Variants in DLGAP2 observed in about 807,000 individuals in gnomAD.
DLGAP2 encodes the protein disks large-associated protein 2.
DLGAP2 carries 26 observed loss-of-function variants against 100.3 expected under a neutral mutation model. That is an observed-to-expected ratio of 0.26 (90% CI 0.19 to 0.36). DLGAP2 has a LOEUF of 0.36. Among genes scored for constraint, DLGAP2 ranks in the 10% least tolerant of loss-of-function variants. DLGAP2 has a pLI of 1.00. For missense variants in DLGAP2, 1,858 were observed against 1,453.2 expected (o/e 1.28, Z -4.53); for synonymous variants, 886 against 630.1 (o/e 1.41, Z -6.08).
chr8:1,124,126 A>G (rs944956311), intron 2 of DLGAP2, among the ~76,000 whole-genome samples: 2 of 152,190 alleles, frequency 1.3e-5, no homozygotes, highest in African/African-American at 2.4e-5. Context: ...AACGCCAATA[A>G]AAATGTCAGG....
rs370457153 is a variant in DLGAP2, at chr8:1,591,326, G to A, written c.1442+25432G>A. ...CTCTTCCTAACGCTGGCTCCATGTG[G>A]GCCAGGTGGGAAGGAGGATGGAGGA... On this transcript the variant is annotated intron_variant, in intron 6 of 14. Coordinates refer to ENST00000637795, the MANE Select transcript of DLGAP2 (RefSeq NM_001346810.2). Among the ~76,000 whole-genome samples, 81 of 152,262 alleles carry A rather than the reference G, an allele frequency of 5.3e-4. 1 individual carries two copies. Among genetic ancestry groups the A allele is most frequent in the African/African-American group, 1.9e-3 (78 of 41,550 alleles).
At chr8:1,212,549 G>C (rs559289645) in intron 2 of DLGAP2, among the ~76,000 whole-genome samples, 4 of 152,218 alleles carry the variant, frequency 2.6e-5, no homozygotes, top group Non-Finnish European at 4.4e-5. Flanking sequence ...ACACTTGGCA[G>C]TGTAGTGGAG....
intron 8 of DLGAP2, among the ~76,000 whole-genome samples, chr8:1,667,538 G>A (rs181292176): frequency 2.3e-4 from 35 of 152,266 alleles, no homozygotes; most frequent in African/African-American, 7.9e-4. Flanking sequence ...GTAAGTTTCT[G>A]CTATTATATA....
intron 3 of DLGAP2, among the ~76,000 whole-genome samples, chr8:1,275,758 A>G (rs1394709448): frequency 1.5e-5 from 2 of 133,630 alleles, no homozygotes; most frequent in African/African-American, 2.8e-5. Flanking sequence ...AAATAAATAT[A>G]TAAAAATATA....
intron 2 of DLGAP2, among the ~76,000 whole-genome samples, chr8:1,215,384 T>C (rs1798193291): frequency 6.6e-6 from 1 of 150,956 alleles, no homozygotes; most frequent in Non-Finnish European, 1.5e-5. Flanking sequence ...AGGTTGAGAG[T>C]GGTACCCTGA....
chr8:1,239,603 TGCCGTGTCTAGTTCTCTCACATGGC>T (rs1798739258), intron 2 of DLGAP2, among the ~76,000 whole-genome samples: 1 of 77,024 alleles, frequency 1.3e-5, no homozygotes, highest in African/African-American at 6.5e-5. Flanking sequence ...TATCACATGG[TGCCGTGTCTAGTTCTCTCACATGGC>T]GCCGTGTCTA....
At chr8:1,453,259 G>A (rs1184266850) in intron 3 of DLGAP2, among the ~76,000 whole-genome samples, 3 of 152,166 alleles carry the variant, frequency 2.0e-5, no homozygotes, top group East Asian at 1.9e-4. Context: ...CGTGCTGGCC[G>A]GTCAGGCTGG....
At chr8:923,125 G>C (rs1798748102) in intron 2 of DLGAP2, among the ~76,000 whole-genome samples, 2 of 152,208 alleles carry the variant, frequency 1.3e-5, no homozygotes, top group South Asian at 4.1e-4. Context: ...CAAGTTACTA[G>C]GTAGCAAACC....
chr8:900,388 G>A (rs1038928918), intron 1 of DLGAP2, among the ~76,000 whole-genome samples: 4 of 152,062 alleles, frequency 2.6e-5, no homozygotes, highest in Non-Finnish European at 2.9e-5. Context: ...GCGGATGGTG[G>A]GCGCCCTCCT....
chr8:1,261,743 CAT>C (rs1563048901), intron 3 of DLGAP2, among the ~76,000 whole-genome samples: 1 of 152,228 alleles, frequency 6.6e-6, no homozygotes, highest in Non-Finnish European at 1.5e-5. Context: ...AAAGCACTGT[CAT>C]ATGAATATTC....
At chr8:1,647,408 G>A (rs1323216048) in intron 8 of DLGAP2, among the ~76,000 whole-genome samples, 2 of 142,802 alleles carry the variant, frequency 1.4e-5, no homozygotes, top group African/African-American at 2.5e-5. Flanking sequence ...AGAATGGAGT[G>A]AACCCGGGAG....
chr8:1,166,854 T>C (rs1008189642), intron 2 of DLGAP2, among the ~76,000 whole-genome samples: 2 of 152,182 alleles, frequency 1.3e-5, no homozygotes, highest in African/African-American at 4.8e-5. Flanking sequence ...ATGATAATAC[T>C]ATATTTAAGT....
chr8:1,171,859 A>T (rs1280372753), intron 2 of DLGAP2, among the ~76,000 whole-genome samples: 1 of 152,176 alleles, frequency 6.6e-6, no homozygotes, highest in African/African-American at 2.4e-5. Context: ...TGTGTCTTTT[A>T]ATTGGAGCAT....
At chr8:1,100,559 C>T (rs543522288) in intron 2 of DLGAP2, among the ~76,000 whole-genome samples, 4 of 151,796 alleles carry the variant, frequency 2.6e-5, no homozygotes, top group East Asian at 1.9e-4. Flanking sequence ...CAGGCACCCC[C>T]GGTGGTCTCA....
intron 3 of DLGAP2, among the ~76,000 whole-genome samples, chr8:1,359,264 C>T (rs890323325): frequency 2.0e-5 from 3 of 152,220 alleles, no homozygotes; most frequent in Admixed American, 1.3e-4. Flanking sequence ...CCTCGCTGCC[C>T]TCCCTGCTGG....
intron 3 of DLGAP2, among the ~76,000 whole-genome samples, chr8:1,482,366 G>C (rs1178952458): frequency 6.6e-6 from 1 of 152,208 alleles, no homozygotes; most frequent in Non-Finnish European, 1.5e-5. Context: ...CCCTCTGTCT[G>C]TTGTGGTCAG....
chr8:1,104,919 G>C (rs1292712553), intron 2 of DLGAP2: 1 of 152,238 alleles, frequency 6.6e-6, no homozygotes, highest in African/African-American at 2.4e-5. Context: ...CTTCTTAGCA[G>C]AGGAGAAAAT....
intron 3 of DLGAP2, among the ~76,000 whole-genome samples, chr8:1,364,642 A>G (rs186669404): frequency 2.0e-5 from 3 of 152,314 alleles, no homozygotes; most frequent in African/African-American, 4.8e-5. Context: ...ACACAGATGC[A>G]TTGTGTCAAA....
chr8:1,125,288 C>T (rs1304639057), intron 2 of DLGAP2, among the ~76,000 whole-genome samples: 3 of 152,192 alleles, frequency 2.0e-5, no homozygotes, highest in Non-Finnish European at 4.4e-5. Context: ...CTTCCAGCCT[C>T]CAGAACGTTA....
Sources: allele counts gnomAD v4.1 joint callset (sites outside exome capture counted in the v4.1 genomes callset), GRCh38; gene constraint gnomAD v4.1.1; transcripts MANE v1.5; gene names NCBI Gene and HGNC (gene_info 2026-07-23, HGNC 2026-07-21).